Variants in MRTFB observed in about 807,000 individuals in gnomAD.
MRTFB encodes the protein myocardin-related transcription factor B.
Under a neutral mutation model 104.2 loss-of-function variants are expected in MRTFB, and 29 were observed. The ratio of observed to expected loss-of-function variants is 0.28; its 90% confidence interval spans 0.21 to 0.38. The LOEUF (loss-of-function observed/expected upper bound fraction) is 0.38, where lower values mean the gene tolerates loss of function less well. MRTFB is among the 10% of genes least tolerant of loss of function. The pLI is 1.00. For missense variants in MRTFB, 1,270 were observed against 1,341.6 expected (o/e 0.95, Z 0.83); for synonymous variants, 535 against 519.5 (o/e 1.03, Z -0.41).
chr16:14,018,157 T>C, the MRTFB span, among the ~76,000 whole-genome samples: 1 of 152,132 alleles, frequency 6.6e-6, no homozygotes, highest in Non-Finnish European at 1.5e-5. Flanking sequence ...ATAACCCCTC[T>C]TCCTGAGTGT....
rs568601191 is a variant in MRTFB, at chr16:14,107,273, G to C, written c.-64+27919G>C. Among the ~76,000 whole-genome samples, 29 of 152,286 alleles carry C rather than the reference G, an allele frequency of 1.9e-4. No homozygotes were observed. The South Asian group carries it at 2.3e-3, about 12-fold the overall frequency. ...AAAAACGGAGGAAAAAGTCTTTTCT[G>C]TGTGGTGGACCTGCTGGCCGTAAGA... is the stretch of plus-strand genomic sequence containing the variant. On this transcript the variant is annotated intron_variant, in intron 2 of 16. Transcript: ENST00000571589.
chr16:14,260,470 A>T (rs7359398), intron 16 of MRTFB, among the ~76,000 whole-genome samples: 1,714 of 152,094 alleles, frequency 0.011, 45 homozygotes, highest in African/African-American at 0.039. Context: ...TAGGAGTATC[A>T]TGTTGCTATA....
At chr16:14,197,392 A>C (rs2040487917) in intron 3 of MRTFB, among the ~76,000 whole-genome samples, 1 of 151,862 alleles carries the variant, frequency 6.6e-6, no homozygotes, top group South Asian at 2.1e-4. Context: ...TTAGTCTTTT[A>C]CCCTTCAGAA....
intron 3 of MRTFB, chr16:14,148,645 C>T (rs2038449239): frequency 6.6e-6 from 1 of 152,642 alleles, no homozygotes; most frequent in African/African-American, 2.4e-5. Context: ...CCCTCACCGA[C>T]TGCCCTCACT....
At position 14,178,007 on chromosome 16, in the gene MRTFB, T is replaced by C. The variant is rs187701114; in HGVS notation, c.155-32236T>C. Among the ~76,000 whole-genome samples the C allele has an allele frequency of 7.9e-5, 12 of 151,706 alleles. No homozygotes were observed. The East Asian group carries it at 2.3e-3, about 29-fold the overall frequency. Reference sequence around the variant, plus strand: ...AGTTTGAAATTATTAGGAGAGATGGTGCAGAAATGGAAAGTCCAAATCTTA... The same window carrying C: ...AGTTTGAAATTATTAGGAGAGATGGCGCAGAAATGGAAAGTCCAAATCTTA... On this transcript the variant is annotated intron_variant, in intron 3 of 16. Coordinates refer to ENST00000571589, the MANE Select transcript of MRTFB (RefSeq NM_001308142.2).
chr16:14,044,420 C>A, the MRTFB span, among the ~76,000 whole-genome samples: 1 of 152,196 alleles, frequency 6.6e-6, no homozygotes, highest in African/African-American at 2.4e-5. Context: ...ATTTTACCCT[C>A]ATAATCCTGG....
chr16:14,145,110 A>G (rs930737317), intron 3 of MRTFB, among the ~76,000 whole-genome samples: 3 of 151,296 alleles, frequency 2.0e-5, no homozygotes, highest in African/African-American at 7.3e-5. Context: ...ATCAAGTAAT[A>G]TATAGATGAA....
At chr16:14,171,268 TA>T (rs1161598164) in intron 3 of MRTFB, among the ~76,000 whole-genome samples, 1 of 152,176 alleles carries the variant, frequency 6.6e-6, no homozygotes, top group East Asian at 1.9e-4. Context: ...TAGATCCTCT[TA>T]GTAGACAGAA....
At chr16:14,103,667 CTAATGCCTTCG>C (rs1238459730) in intron 2 of MRTFB, among the ~76,000 whole-genome samples, 2 of 152,116 alleles carry the variant, frequency 1.3e-5, no homozygotes, top group Non-Finnish European at 2.9e-5. Flanking sequence ...TAGTCTGCTT[CTAATGCCTTCG>C]TCAAAGTCAG....
the MRTFB span, among the ~76,000 whole-genome samples, chr16:14,018,616 C>G: frequency 6.6e-5 from 10 of 152,116 alleles, no homozygotes; most frequent in Non-Finnish European, 1.3e-4. Context: ...CTGATAAAAC[C>G]AGGCCCATTT....
chr16:14,077,804 A>G (rs1785380987), intron 1 of MRTFB, among the ~76,000 whole-genome samples: 1 of 151,944 alleles, frequency 6.6e-6, no homozygotes, highest in Non-Finnish European at 1.5e-5. Flanking sequence ...CCATTCCCTC[A>G]TTTTTTTCCC....
chr16:14,044,714 T>C, the MRTFB span, among the ~76,000 whole-genome samples: 1 of 152,332 alleles, frequency 6.6e-6, no homozygotes, highest in African/African-American at 2.4e-5. Context: ...TGAATGATAT[T>C]GCCATATTAT....
intron 2 of MRTFB, among the ~76,000 whole-genome samples, chr16:14,125,070 A>G (rs2037043092): frequency 6.6e-6 from 1 of 152,232 alleles, no homozygotes; most frequent in Non-Finnish European, 1.5e-5. Flanking sequence ...CCCCACTGGA[A>G]TCCTTGGCTG....
Position 14,159,308 on chromosome 16 carries a change from T to G in MRTFB, c.154+18548T>G, listed in dbSNP as rs564991073. Among the ~76,000 whole-genome samples, 4 of 152,352 alleles carry G rather than the reference T, an allele frequency of 2.6e-5. No individual in the cohort carries two copies. The South Asian group carries it at 8.3e-4, about 32-fold the overall frequency. On this transcript the variant is annotated intron_variant, in intron 3 of 16. Coordinates refer to ENST00000571589, the MANE Select transcript of MRTFB (RefSeq NM_001308142.2). ...CTGTAGTCAATTTTGTGTGTTTTCATTCTAGCTCAGTACTTTTGAAGGTAC... is the reference window on the plus strand; with the variant it reads ...CTGTAGTCAATTTTGTGTGTTTTCAGTCTAGCTCAGTACTTTTGAAGGTAC...
chr16:14,109,546 T>G (rs2142142020), intron 2 of MRTFB, among the ~76,000 whole-genome samples: 1 of 152,310 alleles, frequency 6.6e-6, no homozygotes, highest in South Asian at 2.1e-4. Context: ...TTCAGTACTG[T>G]CCACTCTAAA....
intron 13 of MRTFB, among the ~76,000 whole-genome samples, chr16:14,251,543 A>AC (rs1472403176): frequency 1.3e-5 from 2 of 152,212 alleles, no homozygotes; most frequent in African/African-American, 2.4e-5. Context: ...GCGTAAAGGG[A>AC]CCACATATGC....
intron 13 of MRTFB, among the ~76,000 whole-genome samples, chr16:14,251,078 T>C (rs75916347): frequency 1.3e-5 from 2 of 152,070 alleles, no homozygotes; most frequent in African/African-American, 4.8e-5. Context: ...GTCATGGCCA[T>C]TGAAGACTTG....
At chr16:14,192,957 A>G (rs891764278) in intron 3 of MRTFB, among the ~76,000 whole-genome samples, 8 of 152,104 alleles carry the variant, frequency 5.3e-5, no homozygotes, top group South Asian at 2.1e-4. Context: ...AAAGCTGCCA[A>G]TTCTACCTCA....
chr16:14,221,015 C>T (rs929189906), intron 8 of MRTFB, among the ~76,000 whole-genome samples: 1 of 152,116 alleles, frequency 6.6e-6, no homozygotes, highest in Non-Finnish European at 1.5e-5. Context: ...TCTTATTATA[C>T]TTTTATTCAT....
Sources: allele counts gnomAD v4.1 joint callset (sites outside exome capture counted in the v4.1 genomes callset), GRCh38; gene constraint gnomAD v4.1.1; transcripts MANE v1.5; gene names NCBI Gene and HGNC (gene_info 2026-07-23, HGNC 2026-07-21).